SEMA3C: variants seen among roughly 807,000 people sequenced by gnomAD.
SEMA3C encodes the protein semaphorin 3C.
Under a neutral mutation model 89.4 loss-of-function variants are expected in SEMA3C, and 47 were observed. The observed-to-expected ratio is 0.53, with a 90% CI of 0.42 to 0.67. SEMA3C has a LOEUF of 0.67. Ranked by LOEUF, SEMA3C falls within the 30% of genes least tolerant of loss-of-function variation. The probability of loss-of-function intolerance (pLI) is 0.00; values close to 1 mark genes in which losing one functional copy is unlikely to be tolerated. For synonymous variants in SEMA3C, 310 were observed against 320.2 expected (o/e 0.97, Z 0.34); for missense variants, 839 against 929.1 (o/e 0.90, Z 1.26).
intron 2 of SEMA3C, 92 bp downstream of exon 2, chr7:80,916,587 T>C: frequency 1.8e-6 from 2 of 1,108,760 alleles, no homozygotes; most frequent in South Asian, 4.0e-5. Context: ...TAATATCCAG[T>C]AATATTTATA....
chr7:80,760,608 G>C (rs1788162222), intron 14 of SEMA3C, among the ~76,000 whole-genome samples: 1 of 152,170 alleles, frequency 6.6e-6, no homozygotes, highest in Non-Finnish European at 1.5e-5. Flanking sequence ...CACTTCATCT[G>C]TAACAAACCA....
rs567128156 is a variant in SEMA3C at position 80,856,650 on chromosome 7, C to T, written c.104-27905G>A. Among the ~76,000 whole-genome samples, 5 of 149,820 alleles carry T rather than the reference C, an allele frequency of 3.3e-5. No homozygotes were observed. The South Asian group carries it at 8.4e-4, about 25-fold the overall frequency. On this transcript the variant is annotated intron_variant, in intron 2 of 17. Transcript: ENST00000265361. ...AGGATTAATAAACAAATGAGCTTTGCGAATATAAACTCTTTTCTGGAAAAA... is the reference window on the plus strand; with the variant it reads ...AGGATTAATAAACAAATGAGCTTTGTGAATATAAACTCTTTTCTGGAAAAA...
chr7:80,890,961 T>G (rs1791597163), intron 2 of SEMA3C, among the ~76,000 whole-genome samples: 2 of 152,150 alleles, frequency 1.3e-5, no homozygotes, highest in African/African-American at 4.8e-5. Context: ...TAAGATTTAA[T>G]GAATATTGGT....
intron 17 of SEMA3C, 38 bp downstream of exon 17, chr7:80,748,860 G>A (rs1342698989): frequency 7.6e-6 from 12 of 1,576,962 alleles, no homozygotes; most frequent in Middle Eastern, 1.7e-4. Flanking sequence ...TGTTCTCTCT[G>A]AAGCCCTGAT....
intron 4 of SEMA3C, among the ~76,000 whole-genome samples, chr7:80,824,375 T>C (rs994005192): frequency 1.2e-4 from 18 of 152,010 alleles, no homozygotes; most frequent in Non-Finnish European, 1.9e-4. Flanking sequence ...TGACAATCAG[T>C]TGGAACGAGT....
At chr7:80,827,392 GTTT>G (rs36066966) in intron 4 of SEMA3C, 30 bp downstream of exon 4, 196,641 of 1,211,684 alleles carry the variant, frequency 0.16, 3,520 homozygotes, top group East Asian at 0.22. Context: ...TTAAGTTAGT[GTTT>G]TTTTTTTTTT....
intron 15 of SEMA3C, among the ~76,000 whole-genome samples, chr7:80,754,957 G>GTTTTTTTTTTTGTTTTTTTTTTT (rs1788027360): frequency 7.6e-4 from 82 of 108,346 alleles, no homozygotes; most frequent in Admixed American, 1.2e-3. Flanking sequence ...GTTTTTTTTT[G>GTTTTTTTTTTTGTTTTTTTTTTT]TTTTTTTTTT....
chr7:80,849,174 G>A (rs1354916304), intron 2 of SEMA3C, among the ~76,000 whole-genome samples: 1 of 152,066 alleles, frequency 6.6e-6, no homozygotes, highest in Non-Finnish European at 1.5e-5. Context: ...ATCTTCTACA[G>A]TAATCTTCTT....
At chr7:80,776,484 G>T (rs914513224) in intron 12 of SEMA3C, among the ~76,000 whole-genome samples, 5 of 152,256 alleles carry the variant, frequency 3.3e-5, no homozygotes, top group African/African-American at 1.2e-4. Flanking sequence ...CAAGATCAAA[G>T]AAAAGAGCCT....
At chr7:80,771,571 T>G (rs1348383548) in intron 12 of SEMA3C, among the ~76,000 whole-genome samples, 1 of 152,180 alleles carries the variant, frequency 6.6e-6, no homozygotes, top group African/African-American at 2.4e-5. Context: ...AGCTTGCATT[T>G]ATAAGTACAG....
At chr7:80,874,951 G>A (rs1194313816) in intron 2 of SEMA3C, among the ~76,000 whole-genome samples, 2 of 152,140 alleles carry the variant, frequency 1.3e-5, no homozygotes, top group Non-Finnish European at 2.9e-5. Flanking sequence ...AGGTGTGGTG[G>A]CAGGTACCTG....
intron 13 of SEMA3C, 134 bp from the exon 14 acceptor site, chr7:80,761,791 T>C (rs1251379729): frequency 1.9e-6 from 1 of 532,442 alleles, no homozygotes; most frequent in East Asian, 3.7e-5. Context: ...AAATTACTTG[T>C]TATATAAAAT....
intron 2 of SEMA3C, among the ~76,000 whole-genome samples, chr7:80,863,999 T>C (rs911849269): frequency 4.6e-5 from 7 of 150,806 alleles, no homozygotes; most frequent in Admixed American, 1.3e-4. Context: ...GTATATCACA[T>C]ATATATCGCA....
Position 80,828,545 on chromosome 7 carries a change from G to A in SEMA3C, c.264+40C>T, listed in dbSNP as rs767762973. ...TTATTTTTTTTAAAAAAGAGACATT[G>A]AAAAGGTGGACACTGTCCTCGTGAA... On this transcript the variant is annotated intron_variant, in intron 3 of 17. Coordinates refer to ENST00000265361, the MANE Select transcript of SEMA3C (RefSeq NM_006379.5). 7 of 1,491,810 alleles carry A rather than the reference G, an allele frequency of 4.7e-6. No homozygotes were observed. The African/African-American group carries it at 8.4e-5, about 18-fold the overall frequency. The allele number at this position is 1,491,810 out of a possible 1,614,324, so 92.4% of individuals were successfully genotyped here. A position where few individuals can be genotyped will look rare whatever the true frequency, so the allele number is the denominator to read the frequency against.
At chr7:80,900,206 C>T (rs946604388) in intron 2 of SEMA3C, among the ~76,000 whole-genome samples, 24 of 152,140 alleles carry the variant, frequency 1.6e-4, no homozygotes, top group Non-Finnish European at 2.5e-4. Context: ...CTCCACCTCC[C>T]GGGTTCACGC....
chr7:80,836,985 A>G (rs1456386912), intron 2 of SEMA3C, among the ~76,000 whole-genome samples: 1 of 152,190 alleles, frequency 6.6e-6, no homozygotes, highest in Non-Finnish European at 1.5e-5. Flanking sequence ...TTTAGTAAAA[A>G]TTTCAAAATT....
At chr7:80,758,247 T>G in intron 15 of SEMA3C, 84 bp downstream of exon 15, 5 of 1,421,670 alleles carry the variant, frequency 3.5e-6, no homozygotes, top group Non-Finnish European at 2.9e-6. Context: ...GAAACAGCAA[T>G]AGAACTAATT....
chr7:80,749,206 C>A (rs1787869068), intron 16 of SEMA3C, among the ~76,000 whole-genome samples, 178 bp from the exon 17 acceptor site: 1 of 151,912 alleles, frequency 6.6e-6, no homozygotes, highest in African/African-American at 2.4e-5. Flanking sequence ...CGTTGTTCAC[C>A]CGTTTTGTTT....
intron 2 of SEMA3C, among the ~76,000 whole-genome samples, chr7:80,904,998 C>T (rs1192362263): frequency 6.6e-6 from 1 of 151,538 alleles, no homozygotes; most frequent in East Asian, 2.0e-4. Context: ...AGCCTTGTGG[C>T]CCTATAATAG....
Sources: allele counts gnomAD v4.1 joint callset (sites outside exome capture counted in the v4.1 genomes callset), GRCh38; gene constraint gnomAD v4.1.1; transcripts MANE v1.5; gene names NCBI Gene and HGNC (gene_info 2026-07-23, HGNC 2026-07-21).